Variants in RELN observed in about 807,000 individuals in gnomAD.
RELN encodes the protein reelin.
RELN carries 108 observed loss-of-function variants against 427.6 expected under a neutral mutation model. The ratio of observed to expected loss-of-function variants is 0.25; its 90% CI spans 0.22 to 0.30. The LOEUF is 0.30. Among genes scored for constraint, RELN ranks in the 10% least tolerant of loss-of-function variants. The pLI is 1.00. For synonymous variants in RELN, 1,524 were observed against 1,513.4 expected, an observed-to-expected ratio of 1.01 and a Z score of -0.16; for missense variants, 3,715 against 4,302.8, an observed-to-expected ratio of 0.86 and a Z score of 3.82.
In RELN at chr7:103,489,776, G is replaced by T; in HGVS notation, c.9729C>A (p.Thr3243=). The T allele has an allele frequency of 6.2e-7, 1 of 1,614,120 alleles. No individual in the cohort carries two copies. The highest frequency in any genetic ancestry group is 8.5e-7 in the Non-Finnish European group (1 of 1,180,016). The part of the protein sequence containing the change: ...KLCSGHGYCT[T]GAICICDESF... ...TCTCGTCGCAGATGCAGATGGCACC[G>T]GTCGTGCAGTATCCGTGCCCGCTGC... The change falls in exon 60 of 65, where the codon ACC becomes ACA. Residue 3243 remains threonine, a synonymous_variant. Coordinates refer to ENST00000428762, the MANE Select transcript of RELN (RefSeq NM_005045.4).
chr7:103,881,003 C>A (rs2116559717), intron 2 of RELN, among the ~76,000 whole-genome samples: 1 of 152,228 alleles, frequency 6.6e-6, no homozygotes, highest in South Asian at 2.1e-4. Context: ...CTATTTCTTA[C>A]CATTTATCAG....
intron 7 of RELN, among the ~76,000 whole-genome samples, chr7:103,727,583 G>A (rs1393323303): frequency 1.3e-5 from 2 of 152,136 alleles, no homozygotes; most frequent in Non-Finnish European, 1.5e-5. Context: ...TGAAGTAAAG[G>A]AAAATAATCT....
intron 8 of RELN, among the ~76,000 whole-genome samples, chr7:103,712,445 CA>C (rs1789828913): frequency 1.3e-5 from 2 of 152,164 alleles, no homozygotes; most frequent in Admixed American, 6.5e-5. Flanking sequence ...CTTGGAATAA[CA>C]GCCATATAGG....
intron 4 of RELN, among the ~76,000 whole-genome samples, chr7:103,771,923 A>G (rs1269602251): frequency 2.6e-5 from 4 of 152,062 alleles, no homozygotes; most frequent in Non-Finnish European, 4.4e-5. Context: ...ATCCTGCAAC[A>G]CATTCCACCC....
chr7:103,643,268 T>C (rs757541970), intron 16 of RELN, among the ~76,000 whole-genome samples: 8 of 152,110 alleles, frequency 5.3e-5, no homozygotes, highest in Non-Finnish European at 8.8e-5. Flanking sequence ...TTGTCCCTTC[T>C]CCTCTCTTTC....
intron 25 of RELN, among the ~76,000 whole-genome samples, chr7:103,595,887 G>A (rs1016871179): frequency 3.9e-5 from 6 of 151,926 alleles, no homozygotes; most frequent in Admixed American, 6.6e-5. Flanking sequence ...TATTAAACAC[G>A]AGTCATCTCC....
intron 1 of RELN, among the ~76,000 whole-genome samples, chr7:103,985,084 C>G (rs1797069071): frequency 6.6e-6 from 1 of 152,078 alleles, no homozygotes; most frequent in African/African-American, 2.4e-5. Flanking sequence ...CTGATTATAC[C>G]TTTCTTTTAA....
At chr7:103,897,583 T>C in intron 2 of RELN, among the ~76,000 whole-genome samples, 1 of 152,060 alleles carries the variant, frequency 6.6e-6, no homozygotes, top group South Asian at 2.1e-4. Flanking sequence ...TATACAAAAC[T>C]AGCTGGAATG....
In RELN at chr7:103,566,314, A is replaced by G; in HGVS notation, c.4846T>C (p.Leu1616=). 2.5e-6 allele frequency: 4 copies of G among 1,614,078 alleles called. No individual in the cohort carries two copies. The highest frequency in any genetic ancestry group is 1.7e-5 in the Admixed American group (1 of 60,006). Reference sequence around the variant, plus strand: ...TGGATTCGATACCAGTTGGCTTGCAAATCTATAGAGCCATCAAATTTGTCT... The same window carrying G: ...TGGATTCGATACCAGTTGGCTTGCAGATCTATAGAGCCATCAAATTTGTCT... ...FQDKFDGSID[L]QANWYRIQGG... The change falls in exon 33 of 65, where the codon TTG becomes CTG. Residue 1616 remains leucine, a synonymous_variant. Transcript: ENST00000428762.
At chr7:103,827,273 TCCAGAAGAGTC>T (rs1793166113) in intron 3 of RELN, among the ~76,000 whole-genome samples, 2 of 151,980 alleles carry the variant, frequency 1.3e-5, no homozygotes, top group Admixed American at 1.3e-4. Flanking sequence ...CTGTGGAGAC[TCCAGAAGAGTC>T]CCCTAATATA....
intron 15 of RELN, 132 bp downstream of exon 15, chr7:103,651,529 T>C (rs1184401195): frequency 1.2e-6 from 1 of 825,068 alleles, no homozygotes; most frequent in East Asian, 2.6e-5. Context: ...CTTTCTTTTT[T>C]ACAAGACCAC....
At chr7:103,773,909 G>T (rs561040389) in intron 4 of RELN, among the ~76,000 whole-genome samples, 3 of 152,260 alleles carry the variant, frequency 2.0e-5, no homozygotes, top group African/African-American at 7.2e-5. Flanking sequence ...AGTTCCTCAA[G>T]AACAGGAAAT....
chr7:103,566,882 T>C (rs557382474), intron 31 of RELN, 123 bp from the exon 32 acceptor site: 16 of 916,224 alleles, frequency 1.7e-5, no homozygotes, highest in Non-Finnish European at 2.5e-5. Flanking sequence ...GGCACATTTG[T>C]GTAACTTCCA....
intron 22 of RELN, among the ~76,000 whole-genome samples, chr7:103,608,692 T>G (rs1831875295): frequency 6.6e-6 from 1 of 152,188 alleles, no homozygotes; most frequent in Non-Finnish European, 1.5e-5. Context: ...GGTTAATATA[T>G]TTCCTTTCAG....
chr7:103,831,779 A>G (rs1333349237), intron 3 of RELN, among the ~76,000 whole-genome samples: 6 of 152,192 alleles, frequency 3.9e-5, no homozygotes, highest in Non-Finnish European at 8.8e-5. Context: ...AAGAGCCTTC[A>G]AACCTATATC....
chr7:103,667,369 T>A (rs918385174), intron 11 of RELN, among the ~76,000 whole-genome samples: 1 of 152,238 alleles, frequency 6.6e-6, no homozygotes, highest in African/African-American at 2.4e-5. Context: ...TTTTAACATG[T>A]TAAATAATCA....
chr7:103,690,769 T>C (rs1833857418), intron 10 of RELN, among the ~76,000 whole-genome samples: 2 of 152,102 alleles, frequency 1.3e-5, no homozygotes, highest in South Asian at 2.1e-4. Flanking sequence ...ACTATATTTA[T>C]TGGTATTTAA....
intron 1 of RELN, among the ~76,000 whole-genome samples, chr7:103,975,587 G>A (rs1039631752): frequency 1.9e-4 from 29 of 150,050 alleles, no homozygotes; most frequent in African/African-American, 4.4e-4. Flanking sequence ...TCGCTCTGTC[G>A]CCCAGGCTGG....
chr7:103,652,549 A>G lies in RELN; in HGVS notation c.1763+2T>C. 1 of 1,611,542 alleles carries G rather than the reference A, an allele frequency of 6.2e-7. No individual in the cohort carries two copies. The stretch of plus-strand genomic sequence containing the variant: ...GCACACTTACAAAATAGGGCTTCCT[A>G]CCTGTTACCAGGCTGATGCGTTCCA... On this transcript the variant is annotated splice_donor_variant, in intron 14 of 64. Coordinates refer to ENST00000428762, the MANE Select transcript of RELN (RefSeq NM_005045.4). LOFTEE classifies it high-confidence loss of function.
Sources: gnomAD v4.1 joint callset for allele counts (sites outside exome capture counted in the v4.1 genomes callset) on GRCh38, gnomAD v4.1.1 for gene constraint, MANE v1.5 for transcripts, NCBI Gene and HGNC (gene_info 2026-07-23, HGNC 2026-07-21) for gene names.